Variants in RAB27A observed in about 807,000 individuals in gnomAD.
RAB27A encodes the protein RAB27A, member RAS oncogene family.
In RAB27A, 17 loss-of-function variants were observed where a neutral mutation model predicts 20.8. The ratio of observed to expected loss-of-function variants is 0.82; its 90% CI spans 0.56 to 1.23. The LOEUF is 1.23. Ranked by LOEUF, RAB27A falls within the 50% of genes most tolerant of loss-of-function variation. The probability of loss-of-function intolerance (pLI) is 0.00; values close to 1 mark genes in which losing one functional copy is unlikely to be tolerated. For synonymous variants in RAB27A, 85 were observed against 92.8 expected (o/e 0.92, Z 0.48); for missense variants, 277 against 266.7 (o/e 1.04, Z -0.27).
intron 2 of RAB27A, among the ~76,000 whole-genome samples, chr15:55,304,629 G>C (rs990917949): frequency 6.6e-6 from 1 of 152,024 alleles, no homozygotes; most frequent in Admixed American, 6.6e-5. Context: ...GTGCCATCTT[G>C]TGCATGGCTT....
At chr15:55,207,568 A>G (rs1405535465) in intron 6 of RAB27A, among the ~76,000 whole-genome samples, 1 of 152,274 alleles carries the variant, frequency 6.6e-6, no homozygotes, top group African/African-American at 2.4e-5. Context: ...CCACAGTGAC[A>G]GGAACTTTCC....
At chr15:55,236,029 G>A (rs1050237463) in intron 2 of RAB27A, among the ~76,000 whole-genome samples, 1 of 152,034 alleles carries the variant, frequency 6.6e-6, no homozygotes, top group East Asian at 1.9e-4. Flanking sequence ...TGGGAGGCGG[G>A]TGAGGGATAA....
intron 2 of RAB27A, among the ~76,000 whole-genome samples, chr15:55,253,842 C>T (rs928531906): frequency 2.0e-5 from 3 of 151,722 alleles, no homozygotes; most frequent in East Asian, 1.9e-4. Flanking sequence ...AAGAGAACAA[C>T]GCAAGAGGAT....
chr15:55,216,767 A>G (rs1203451062), intron 6 of RAB27A, among the ~76,000 whole-genome samples: 1 of 152,216 alleles, frequency 6.6e-6, no homozygotes, highest in Non-Finnish European at 1.5e-5. Context: ...TACACCAGAG[A>G]TGCTGCACTC....
At chr15:55,266,035 G>C (rs1336113623) in intron 2 of RAB27A, among the ~76,000 whole-genome samples, 1 of 152,192 alleles carries the variant, frequency 6.6e-6, no homozygotes, top group Non-Finnish European at 1.5e-5. Flanking sequence ...GCATCAGAAG[G>C]CTCTAATGTT....
Position 55,228,477 on chromosome 15 carries a change from C to A in RAB27A, c.343+132G>T, listed in dbSNP as rs183544804. On this transcript the variant is annotated intron_variant, in intron 5 of 6. Transcript: ENST00000336787. ...ATTATCTTTGTCCCTAAACTAAAAA[C>A]CTTGCTCCTTAAAATAGTATTTGCA... The A allele has an allele frequency of 9.1e-5, 67 of 737,630 alleles. 1 individual carries two copies. The highest frequency in any genetic ancestry group is 2.4e-5 in the Non-Finnish European group (10 of 421,114). 45.7% of individuals were successfully genotyped at this position (737,630 alleles called of 1,614,324 possible). A position where few individuals can be genotyped will look rare whatever the true frequency, so the allele number is the denominator to read the frequency against.
At chr15:55,256,049 A>G (rs1897067041) in intron 2 of RAB27A, among the ~76,000 whole-genome samples, 1 of 152,188 alleles carries the variant, frequency 6.6e-6, no homozygotes, top group Non-Finnish European at 1.5e-5. Flanking sequence ...AATGCATTTT[A>G]TAAACTGTAA....
intron 2 of RAB27A, among the ~76,000 whole-genome samples, chr15:55,261,215 G>A (rs1393994784): frequency 6.6e-6 from 1 of 151,650 alleles, no homozygotes; most frequent in African/African-American, 2.4e-5. Context: ...TGGCCAAGAT[G>A]GTGAAACCCC....
At chr15:55,239,890 T>A (rs28594400) in intron 2 of RAB27A, among the ~76,000 whole-genome samples, 13,368 of 152,204 alleles carry the variant, frequency 0.088, 1,987 homozygotes, top group African/African-American at 0.3. Flanking sequence ...GACAGCCTTC[T>A]TATCTGAGCT....
At chr15:55,315,073 A>G (rs571126847) in intron 1 of RAB27A, among the ~76,000 whole-genome samples, 1 of 152,276 alleles carries the variant, frequency 6.6e-6, no homozygotes, top group African/African-American at 2.4e-5. Context: ...AGACATAGAC[A>G]AATGGAACAG....
At chr15:55,309,527 C>A (rs1292864181) in intron 2 of RAB27A, among the ~76,000 whole-genome samples, 1 of 152,124 alleles carries the variant, frequency 6.6e-6, no homozygotes, top group Non-Finnish European at 1.5e-5. Context: ...TAATGCCTGG[C>A]CAAATAGATG....
chr15:55,309,485 T>A (rs1024647116), intron 2 of RAB27A, among the ~76,000 whole-genome samples: 1 of 152,164 alleles, frequency 6.6e-6, no homozygotes, highest in African/African-American at 2.4e-5. Context: ...GACAAGAGTG[T>A]CCAGGTATGA....
At position 55,234,660 on chromosome 15, in the gene RAB27A, C is replaced by T. The variant is rs1030284822; in HGVS notation, c.153+122G>A. On this transcript the variant is annotated intron_variant, in intron 3 of 6. Coordinates refer to ENST00000336787, the MANE Select transcript of RAB27A (RefSeq NM_183235.3). ...GCCTGGATTGAACATAACTCACTTT[C>T]ATATGTACCTTTAATTTCAGATCCC... 4 of 1,100,306 alleles carry T rather than the reference C, an allele frequency of 3.6e-6. No homozygotes were observed. The African/African-American group carries it at 6.2e-5, about 17-fold the overall frequency. The allele number at this position is 1,100,306 out of a possible 1,614,324, so 68.2% of individuals were successfully genotyped here. A position where few individuals can be genotyped will look rare whatever the true frequency, so the allele number is the denominator to read the frequency against.
chr15:55,304,035 G>A (rs2054987221), intron 2 of RAB27A, among the ~76,000 whole-genome samples: 1 of 151,990 alleles, frequency 6.6e-6, no homozygotes, highest in Non-Finnish European at 1.5e-5. Context: ...GGAAAGGTGG[G>A]GAAGAGATTG....
At chr15:55,319,111 G>A in exon 1 of RAB27A, 2 of 994,386 alleles carry the variant, frequency 2.0e-6, no homozygotes, top group South Asian at 1.9e-5. Flanking sequence ...CCACCACGTC[G>A]GGTGGGAGCT....
At chr15:55,209,769 T>C (rs556727932) in intron 6 of RAB27A, among the ~76,000 whole-genome samples, 1 of 114,260 alleles carries the variant, frequency 8.8e-6, no homozygotes, top group East Asian at 2.0e-4. Flanking sequence ...TGTGTACATA[T>C]ACATATATAC....
At chr15:55,308,463 G>A (rs1566941598) in intron 2 of RAB27A, among the ~76,000 whole-genome samples, 1 of 152,186 alleles carries the variant, frequency 6.6e-6, no homozygotes, top group Non-Finnish European at 1.5e-5. Flanking sequence ...TTCCCGGAGT[G>A]AGGAGATTAC....
intron 2 of RAB27A, among the ~76,000 whole-genome samples, chr15:55,260,915 A>G (rs28871644): frequency 0.02 from 2,971 of 152,190 alleles, 112 homozygotes; most frequent in African/African-American, 0.067. Flanking sequence ...GTGAACTCCA[A>G]TCTAAACTAT....
At chr15:55,310,031 GGAC>G (rs1018105516) in intron 2 of RAB27A, among the ~76,000 whole-genome samples, 10 of 151,922 alleles carry the variant, frequency 6.6e-5, no homozygotes, top group Non-Finnish European at 1.3e-4. Context: ...TTCAAGCAGG[GGAC>G]AACAAACGGG....
Sources: gnomAD v4.1 joint callset for allele counts (sites outside exome capture counted in the v4.1 genomes callset) on GRCh38, gnomAD v4.1.1 for gene constraint, MANE v1.5 for transcripts, NCBI Gene and HGNC (gene_info 2026-07-23, HGNC 2026-07-21) for gene names.